NFE2L3: variants seen among roughly 807,000 people sequenced by gnomAD.
The protein encoded by NFE2L3 is nuclear factor erythroid 2-related factor 3.
Under a neutral mutation model 23.5 loss-of-function variants are expected in NFE2L3, and 18 were observed. The ratio of observed to expected loss-of-function variants is 0.77; its 90% CI spans 0.53 to 1.13. The LOEUF is 1.13. NFE2L3 is among the 50% of genes most tolerant of loss of function. The pLI, the probability that NFE2L3 is intolerant of heterozygous loss-of-function variation, is 0.00. For synonymous variants in NFE2L3, 424 were observed against 354.5 expected, an observed-to-expected ratio of 1.20 and a Z score of -2.20; for missense variants, 1,152 against 877.2, an observed-to-expected ratio of 1.31 and a Z score of -3.96.
At position 26,178,100 on chromosome 7, in the gene NFE2L3, A is replaced by G. The variant is rs1341772041; in HGVS notation, c.728A>G (p.Lys243Arg). Reference protein sequence around the residue: ...IAEKPDWEAEKTTESRNERHL... With the variant: ...IAEKPDWEAERTTESRNERHL... ...GAGAAACCTGACTGGGAGGCAGAAA[A>G]GACCACTGAATCTAGAAATGAGGTA... Residue 243 changes from lysine (K) to arginine (R), a missense_variant, in exon 2 of 4, where the codon AAG becomes AGG. By Grantham distance (26) the Lys-to-Arg change is conservative. Transcript: ENST00000056233. 6.2e-7 allele frequency: 1 copy of G among 1,613,710 alleles called. No individual in the cohort carries two copies. Among genetic ancestry groups the G allele is most frequent in the African/African-American group, 1.3e-5 (1 of 75,024 alleles).
chr7:26,157,136 T>C lies in NFE2L3; in HGVS notation c.570+4068T>C, dbSNP rs537440103. 2.6e-5 allele frequency among the ~76,000 whole-genome samples: 4 copies of C among 151,998 alleles called. No individual in the cohort carries two copies. The South Asian group carries it at 8.3e-4, about 32-fold the overall frequency. ...CAAAAGAAAAAAAAAGAAAAGAAAC[T>C]GTTGGGCTGGTTTCTTCAGGGCACA... On this transcript the variant is annotated intron_variant, in intron 1 of 3. Transcript: ENST00000056233.
intron 2 of NFE2L3, among the ~76,000 whole-genome samples, chr7:26,179,897 G>A (rs922919105): frequency 6.6e-6 from 1 of 152,106 alleles, no homozygotes; most frequent in African/African-American, 2.4e-5. Flanking sequence ...ACCTTTTCGT[G>A]TATAGGTTCT....
At chr7:26,179,280 C>T (rs1021149015) in intron 2 of NFE2L3, among the ~76,000 whole-genome samples, 9 of 152,044 alleles carry the variant, frequency 5.9e-5, no homozygotes, top group African/African-American at 1.7e-4. Context: ...GCATGCAGAT[C>T]GCTTGAGCCC....
At position 26,152,588 on chromosome 7, in the gene NFE2L3, A is replaced by G. The variant is rs773687043; in HGVS notation, c.90A>G (p.Leu30=). The G allele has an allele frequency of 8.4e-6, 13 of 1,546,974 alleles. No homozygotes were observed. Among genetic ancestry groups the G allele is most frequent in the South Asian group, 3.5e-5 (3 of 85,134 alleles). Residue 30 remains leucine, a synonymous_variant, in exon 1 of 4, where the codon CTA becomes CTG. Transcript: ENST00000056233. The surrounding 1 kb of genome is among the most constrained non-coding windows in gnomAD (Gnocchi z 4.4). The stretch of plus-strand genomic sequence containing the variant: ...GCTTGGCGGGGCTCCGCGTAGACCT[A>G]GATCTTTACCTGCTGCTGCCGCCGC... The part of the protein sequence containing the change: ...LLSLAGLRVD[L]DLYLLLPPPT...
intron 1 of NFE2L3, among the ~76,000 whole-genome samples, chr7:26,169,609 G>T (rs1021410553): frequency 7.2e-5 from 11 of 152,210 alleles, no homozygotes; most frequent in Admixed American, 5.9e-4. Flanking sequence ...TAGCCCTGGA[G>T]GAAATGCTTC....
At position 26,186,730 on chromosome 7, in the gene NFE2L3, T is replaced by C. The variant is rs1458964885; in HGVS notation, c.*947T>C. On this transcript the variant is annotated 3_prime_UTR_variant, in exon 4 of 4. Transcript: ENST00000056233. ...AGCCATATAAACAGTAGGGAAAGAG[T>C]CAGCAACAGTGAAACCATCTGTTTA... 6.6e-6 allele frequency: 1 copy of C among 151,604 alleles called. No individual in the cohort carries two copies. The highest frequency in any genetic ancestry group is 1.5e-5 in the Non-Finnish European group (1 of 67,914). The allele number at this position is 151,604 out of a possible 1,614,324, so 9.4% of individuals were successfully genotyped here. A position where few individuals can be genotyped will look rare whatever the true frequency, so the allele number is the denominator to read the frequency against.
intron 2 of NFE2L3, among the ~76,000 whole-genome samples, 166 bp from the exon 3 acceptor site, chr7:26,183,535 G>A (rs1782386012): frequency 7.0e-6 from 1 of 143,796 alleles, no homozygotes; most frequent in Non-Finnish European, 1.6e-5. Context: ...GCCAGAGTGA[G>A]ATCCGTCTCA....
chr7:26,164,734 G>T (rs1313729130), intron 1 of NFE2L3, among the ~76,000 whole-genome samples: 1 of 152,172 alleles, frequency 6.6e-6, no homozygotes, highest in Non-Finnish European at 1.5e-5. Context: ...CCTTGCCCAT[G>T]CTATATGTCC....
Position 26,185,034 on chromosome 7 carries a change from G to A in NFE2L3, c.1336G>A (p.Ala446Thr), listed in dbSNP as rs777966660. The A allele has an allele frequency of 1.9e-6, 3 of 1,613,830 alleles. No individual in the cohort carries two copies. Among genetic ancestry groups the A allele is most frequent in the South Asian group, 1.1e-5 (1 of 91,068 alleles). ...CTCTCACTCTGTGTGTGATGAAGGT[G>A]CTATAGGTTATTGCACTGACCATGA... ...NSSHSVCDEG[A>T]IGYCTDHESS... The change falls in exon 4 of 4, where the codon GCT (alanine) becomes ACT (threonine). Residue 446 changes from alanine (A) to threonine (T), a missense_variant. By Grantham distance (58) the Ala-to-Thr change is moderately conservative. Coordinates refer to ENST00000056233, the MANE Select transcript of NFE2L3 (RefSeq NM_004289.7).
intron 1 of NFE2L3, among the ~76,000 whole-genome samples, chr7:26,165,516 C>G (rs1049262485): frequency 3.3e-5 from 5 of 152,186 alleles, no homozygotes; most frequent in South Asian, 2.1e-4. Context: ...AGGCTTTGCT[C>G]AAGTTGCTTA....
At chr7:26,164,488 G>C (rs1167208305) in intron 1 of NFE2L3, among the ~76,000 whole-genome samples, 1 of 152,040 alleles carries the variant, frequency 6.6e-6, no homozygotes, top group African/African-American at 2.4e-5. Context: ...TCCTTTGCCC[G>C]CTTGTTGATG....
At chr7:26,161,333 CTCTTTTTTTTTTT>C (rs1311736003) in intron 1 of NFE2L3, among the ~76,000 whole-genome samples, 5 of 117,732 alleles carry the variant, frequency 4.2e-5, no homozygotes, top group African/African-American at 1.6e-4. Flanking sequence ...TAGCTTCTCT[CTCTTTTTTTTTTT>C]TTTTTTTTTT....
chr7:26,174,602 C>G (rs1784370325), intron 1 of NFE2L3: 1 of 152,252 alleles, frequency 6.6e-6, no homozygotes, highest in African/African-American at 2.4e-5. Context: ...GAGTTAGGCA[C>G]AATCAGACAG....
At chr7:26,164,691 G>A (rs1784220977) in intron 1 of NFE2L3, among the ~76,000 whole-genome samples, 1 of 152,072 alleles carries the variant, frequency 6.6e-6, no homozygotes, top group African/African-American at 2.4e-5. Flanking sequence ...TCTGGCTTTT[G>A]AGCCATTGCT....
intron 3 of NFE2L3, chr7:26,184,285 G>C: frequency 2.2e-6 from 1 of 445,042 alleles, no homozygotes; most frequent in Non-Finnish European, 4.0e-6. Flanking sequence ...GACTTTTTAA[G>C]AAAATCCAGT....
intron 1 of NFE2L3, among the ~76,000 whole-genome samples, chr7:26,156,004 G>A (rs1394510883): frequency 1.3e-5 from 2 of 152,150 alleles, no homozygotes; most frequent in Non-Finnish European, 2.9e-5. Context: ...CCCACTCACT[G>A]GATTCCTTTT....
intron 3 of NFE2L3, chr7:26,184,242 TATAAAGTAGCAAATTACA>T: frequency 1.0e-5 from 4 of 381,322 alleles, no homozygotes; most frequent in Non-Finnish European, 1.9e-5. Context: ...TGCATCTTAT[TATAAAGTAGCAAATTACA>T]AGATTGTAAC....
At chr7:26,170,065 C>G (rs1251171249) in intron 1 of NFE2L3, among the ~76,000 whole-genome samples, 1 of 152,166 alleles carries the variant, frequency 6.6e-6, no homozygotes, top group Middle Eastern at 3.2e-3. Flanking sequence ...TGTTGCCCAG[C>G]CTAATGGTTA....
At chr7:26,182,026 G>GAAGAAACTATA (rs1784523169) in intron 2 of NFE2L3, among the ~76,000 whole-genome samples, 1 of 151,808 alleles carries the variant, frequency 6.6e-6, no homozygotes, top group South Asian at 2.1e-4. Flanking sequence ...TATAAAATAT[G>GAAGAAACTATA]AAAGATAAGC....
Sources: gnomAD v4.1 joint callset for allele counts (sites outside exome capture counted in the v4.1 genomes callset) on GRCh38, gnomAD v4.1.1 for gene constraint, Gnocchi (gnomAD v3.1) non-coding constraint, MANE v1.5 for transcripts, NCBI Gene and HGNC (gene_info 2026-07-23, HGNC 2026-07-21) for gene names.